The following RARB variants were observed in gnomAD, a reference collection of about 807,000 sequenced individuals.
The protein encoded by RARB is HBV-activated protein.
Under a neutral mutation model 51.9 loss-of-function variants are expected in RARB, and 17 were observed. The observed-to-expected ratio is 0.33, with a 90% CI of 0.22 to 0.49. The LOEUF is 0.49. Among genes scored for constraint, RARB ranks in the 20% least tolerant of loss-of-function variants. RARB has a pLI of 0.99. For synonymous variants in RARB, 215 were observed against 195.4 expected (o/e 1.10, Z -0.84); for missense variants, 369 against 550.8 (o/e 0.67, Z 3.30).
chr3:25,182,694 A>G (rs1364261279), intron 5 of RARB, among the ~76,000 whole-genome samples: 2 of 152,156 alleles, frequency 1.3e-5, no homozygotes, highest in East Asian at 1.9e-4. Context: ...CCAATGAGAC[A>G]TTATATTAGT....
chr3:25,414,066 G>C (rs547408846), intron 5 of RARB, among the ~76,000 whole-genome samples: 4 of 92,426 alleles, frequency 4.3e-5, no homozygotes, highest in Admixed American at 4.2e-4. Flanking sequence ...CCCTCCTGTC[G>C]CTCCCTTTTC....
intron 2 of RARB, among the ~76,000 whole-genome samples, chr3:24,894,899 G>C (rs1703448356): frequency 6.6e-6 from 1 of 152,128 alleles, no homozygotes; most frequent in South Asian, 2.1e-4. Flanking sequence ...CTAAATATAT[G>C]GGTTAAAAGG....
intron 3 of RARB, among the ~76,000 whole-genome samples, chr3:25,515,277 C>A (rs1448518798): frequency 6.6e-6 from 1 of 152,182 alleles, no homozygotes; most frequent in Non-Finnish European, 1.5e-5. Flanking sequence ...CTGACAATAG[C>A]AAATGTTTGT....
intron 2 of RARB, among the ~76,000 whole-genome samples, chr3:24,928,062 A>C (rs1406863461): frequency 6.6e-6 from 1 of 152,096 alleles, no homozygotes; most frequent in Non-Finnish European, 1.5e-5. Flanking sequence ...GAGCATTGCA[A>C]GTCAAAGTTA....
intron 5 of RARB, among the ~76,000 whole-genome samples, chr3:25,299,755 C>CA (rs748054341): frequency 4.8e-4 from 71 of 146,418 alleles, no homozygotes; most frequent in Non-Finnish European, 8.0e-4. Context: ...TCTGTGGCAC[C>CA]AAAAAAAATA....
intron 3 of RARB, among the ~76,000 whole-genome samples, chr3:25,076,234 G>A (rs148685838): frequency 0.014 from 2,110 of 151,714 alleles, 37 homozygotes; most frequent in African/African-American, 0.044. Flanking sequence ...TCCGCCTCCC[G>A]GGTTCACGCC....
intron 1 of RARB, among the ~76,000 whole-genome samples, chr3:24,841,252 G>C (rs1575031526): frequency 6.6e-6 from 1 of 152,116 alleles, no homozygotes; most frequent in Admixed American, 6.5e-5. Context: ...TATTACATAA[G>C]ATTTCAAAAC....
intron 5 of RARB, among the ~76,000 whole-genome samples, chr3:25,416,743 G>C (rs1004641393): frequency 1.3e-5 from 2 of 152,172 alleles, no homozygotes; most frequent in Admixed American, 6.5e-5. Flanking sequence ...TTTGGAGTCT[G>C]CCAACCCCTG....
intron 5 of RARB, among the ~76,000 whole-genome samples, chr3:25,298,855 C>G (rs1703976939): frequency 6.6e-6 from 1 of 152,162 alleles, no homozygotes; most frequent in African/African-American, 2.4e-5. Flanking sequence ...CAAGGATTCC[C>G]TCAGAGTGAA....
chr3:25,505,578 G>C (rs2125612553), intron 3 of RARB, among the ~76,000 whole-genome samples: 1 of 151,090 alleles, frequency 6.6e-6, no homozygotes, highest in African/African-American at 2.4e-5. Flanking sequence ...AATGCTGCTG[G>C]GTATACCTTG....
chr3:25,228,079 G>A (rs927753228), intron 5 of RARB, among the ~76,000 whole-genome samples: 11 of 151,888 alleles, frequency 7.2e-5, no homozygotes, highest in African/African-American at 2.7e-4. Context: ...TTCTATCCCT[G>A]AAGTTCAAAA....
intron 2 of RARB, among the ~76,000 whole-genome samples, chr3:24,953,621 T>C (rs967533278): frequency 6.6e-6 from 1 of 152,194 alleles, no homozygotes; most frequent in African/African-American, 2.4e-5. Flanking sequence ...AGCTAGATGA[T>C]AGATAGACAC....
chr3:24,994,971 G>T (rs932579403), intron 2 of RARB, among the ~76,000 whole-genome samples: 5 of 151,930 alleles, frequency 3.3e-5, no homozygotes, highest in Admixed American at 2.6e-4. Flanking sequence ...TTGAATATTT[G>T]GACTCCTTTG....
intron 4 of RARB, among the ~76,000 whole-genome samples, chr3:25,151,826 G>A (rs536933566): frequency 4.6e-5 from 7 of 152,184 alleles, no homozygotes; most frequent in South Asian, 2.1e-4. Flanking sequence ...ATGTTAATAC[G>A]GAAAACATAA....
intron 2 of RARB, among the ~76,000 whole-genome samples, chr3:24,978,015 G>T (rs981746257): frequency 3.9e-5 from 6 of 152,166 alleles, no homozygotes; most frequent in Admixed American, 1.3e-4. Context: ...AGATAATCAT[G>T]TGATTTTTGT....
chr3:24,868,056 G>A (rs957460381), intron 2 of RARB, among the ~76,000 whole-genome samples: 7 of 152,204 alleles, frequency 4.6e-5, no homozygotes, highest in Middle Eastern at 3.4e-3. Flanking sequence ...CAGAAAAAAC[G>A]GGGCTTGATA....
chr3:25,150,412 C>T (rs1559483851), intron 4 of RARB, among the ~76,000 whole-genome samples: 1 of 152,126 alleles, frequency 6.6e-6, no homozygotes. Flanking sequence ...TTCCTTTGAA[C>T]AGTTAAGCCA....
intron 2 of RARB, among the ~76,000 whole-genome samples, chr3:25,052,332 T>C (rs1168749381): frequency 6.6e-6 from 1 of 152,172 alleles, no homozygotes; most frequent in African/African-American, 2.4e-5. Flanking sequence ...TACAGATTCA[T>C]TGAAACTCAA....
intron 5 of RARB, among the ~76,000 whole-genome samples, chr3:25,278,759 T>C (rs995146833): frequency 6.6e-6 from 1 of 152,188 alleles, no homozygotes; most frequent in African/African-American, 2.4e-5. Flanking sequence ...TTTGGCCTTG[T>C]GAGCATATGA....
Sources: allele counts gnomAD v4.1 joint callset (sites outside exome capture counted in the v4.1 genomes callset), GRCh38; gene constraint gnomAD v4.1.1; transcripts MANE v1.5; gene names NCBI Gene and HGNC (gene_info 2026-07-23, HGNC 2026-07-21).